Variants in POFUT3 observed in about 807,000 individuals in gnomAD.
The protein encoded by POFUT3 is GDP-fucose protein O-fucosyltransferase 3.
At chr8:33,333,228 C>T in the POFUT3 span, among the ~76,000 whole-genome samples, 1 of 151,946 alleles carries the variant, frequency 6.6e-6, no homozygotes, top group Non-Finnish European at 1.5e-5. Flanking sequence ...AAAGGATCAG[C>T]GAGTGCAAAA....
the POFUT3 span, among the ~76,000 whole-genome samples, chr8:33,405,264 G>C: frequency 2.6e-5 from 4 of 151,896 alleles, no homozygotes; most frequent in African/African-American, 9.7e-5. Flanking sequence ...CTGCACTCCA[G>C]CCTGGACAAC....
At chr8:33,388,223 G>A in the POFUT3 span, among the ~76,000 whole-genome samples, 16 of 152,178 alleles carry the variant, frequency 1.1e-4, no homozygotes, top group Middle Eastern at 3.4e-3. Context: ...TTTGAAAGTG[G>A]AGGCTGTGGA....
the POFUT3 span, among the ~76,000 whole-genome samples, chr8:33,319,452 A>T: frequency 1.5e-4 from 8 of 51,674 alleles, no homozygotes; most frequent in East Asian, 1.5e-3. Context: ...TATTTATATA[A>T]TATATAAATG....
At chr8:33,443,930 G>A in the POFUT3 span, among the ~76,000 whole-genome samples, 12,263 of 151,458 alleles carry the variant, frequency 0.081, 632 homozygotes, top group African/African-American at 0.15. Context: ...GTTTGAGACT[G>A]GCTTTGGCAA....
the POFUT3 span, among the ~76,000 whole-genome samples, chr8:33,442,313 A>C: frequency 1.4e-3 from 187 of 138,398 alleles, 8 homozygotes; most frequent in South Asian, 0.036. Context: ...GGGGGGACAG[A>C]GTCTTGCTCT....
the POFUT3 span, among the ~76,000 whole-genome samples, chr8:33,331,865 G>A: frequency 6.6e-6 from 1 of 151,854 alleles, no homozygotes; most frequent in Admixed American, 6.6e-5. Context: ...TTTTAGTAGA[G>A]ACGGGGTTTC....
chr8:33,408,001 A>AAAG, the POFUT3 span, among the ~76,000 whole-genome samples: 1 of 150,956 alleles, frequency 6.6e-6, no homozygotes, highest in Non-Finnish European at 1.5e-5. Context: ...AAAAAAAAAA[A>AAAG]AAAAGAAAAG....
At chr8:33,332,289 G>T in the POFUT3 span, among the ~76,000 whole-genome samples, 2 of 151,220 alleles carry the variant, frequency 1.3e-5, no homozygotes, top group Admixed American at 6.6e-5. Flanking sequence ...TTCGAGACCT[G>T]CCTGGCCAAC....
At chr8:33,445,707 A>C in the POFUT3 span, among the ~76,000 whole-genome samples, 1 of 152,188 alleles carries the variant, frequency 6.6e-6, no homozygotes, top group East Asian at 1.9e-4. Flanking sequence ...TCAAGATTCC[A>C]AAGTAACCAT....
chr8:33,378,491 G>C, the POFUT3 span, among the ~76,000 whole-genome samples: 1 of 152,108 alleles, frequency 6.6e-6, no homozygotes, highest in Non-Finnish European at 1.5e-5. Context: ...GCTGCCAAGA[G>C]AAGAAGAGGC....
At chr8:33,402,849 A>G in the POFUT3 span, among the ~76,000 whole-genome samples, 1 of 152,258 alleles carries the variant, frequency 6.6e-6, no homozygotes, top group East Asian at 1.9e-4. Flanking sequence ...ACTTAAGCCC[A>G]GGAGTTTGAG....
the POFUT3 span, among the ~76,000 whole-genome samples, chr8:33,359,659 T>C: frequency 8.5e-5 from 13 of 152,202 alleles, no homozygotes; most frequent in African/African-American, 3.1e-4. Flanking sequence ...CCACCATAGC[T>C]ATATTATTTT....
chr8:33,331,899 G>C, the POFUT3 span, among the ~76,000 whole-genome samples: 1 of 150,622 alleles, frequency 6.6e-6, no homozygotes, highest in Non-Finnish European at 1.5e-5. Flanking sequence ...GGATGGTCTA[G>C]ATCTCCTGAC....
the POFUT3 span, among the ~76,000 whole-genome samples, chr8:33,420,012 C>T: frequency 6.6e-6 from 1 of 152,046 alleles, no homozygotes; most frequent in African/African-American, 2.4e-5. Context: ...CCTGCAATCC[C>T]AGCCTCTCTC....
At chr8:33,389,091 G>C in the POFUT3 span, 165 of 1,614,148 alleles carry the variant, frequency 1.0e-4, 1 homozygote, top group South Asian at 1.7e-3. Flanking sequence ...AGAAGTCGCT[G>C]GTTAGAGATC....
the POFUT3 span, among the ~76,000 whole-genome samples, chr8:33,368,262 G>A: frequency 3.3e-5 from 5 of 152,128 alleles, no homozygotes; most frequent in African/African-American, 7.2e-5. Flanking sequence ...CAGAGGCTTG[G>A]CTGTTAAGTC....
chr8:33,376,789 G>T, the POFUT3 span, among the ~76,000 whole-genome samples: 2 of 152,184 alleles, frequency 1.3e-5, no homozygotes, highest in Admixed American at 6.5e-5. Context: ...GTTGGATAGA[G>T]ACTGGATTTG....
the POFUT3 span, among the ~76,000 whole-genome samples, chr8:33,349,255 T>C: frequency 1.3e-5 from 2 of 152,200 alleles, no homozygotes; most frequent in Non-Finnish European, 2.9e-5. Flanking sequence ...TGCAAGCTCC[T>C]CTTCTCCTTG....
the POFUT3 span, among the ~76,000 whole-genome samples, chr8:33,364,148 A>G: frequency 6.6e-6 from 1 of 152,142 alleles, no homozygotes; most frequent in South Asian, 2.1e-4. Context: ...TCCATCACAT[A>G]AATAGAACCA....
Sources: gnomAD v4.1 joint callset for allele counts (sites outside exome capture counted in the v4.1 genomes callset) on GRCh38, gnomAD v4.1.1 for gene constraint, MANE v1.5 for transcripts, NCBI Gene and HGNC (gene_info 2026-07-23, HGNC 2026-07-21) for gene names.